Variants in CTNNA3 observed in about 807,000 individuals in gnomAD.
The protein encoded by CTNNA3 is catenin alpha-3.
In CTNNA3, 76 loss-of-function variants were observed where a neutral mutation model predicts 95.7. That is an observed-to-expected ratio of 0.79 (90% CI 0.66 to 0.96). The LOEUF is 0.96. Among genes scored for constraint, CTNNA3 ranks in the 40% least tolerant of loss-of-function variants. CTNNA3 has a pLI of 0.00. For synonymous variants in CTNNA3, 431 were observed against 374.4 expected (o/e 1.15, Z -1.74); for missense variants, 1,191 against 1,089.8 (o/e 1.09, Z -1.31).
chr10:67,433,207 T>C (rs1246454426), intron 5 of CTNNA3, among the ~76,000 whole-genome samples: 1 of 152,014 alleles, frequency 6.6e-6, no homozygotes, highest in Non-Finnish European at 1.5e-5. Context: ...TCAATGATTT[T>C]GTACTTCAGG....
At chr10:66,594,510 C>G (rs767606770) in intron 10 of CTNNA3, among the ~76,000 whole-genome samples, 2 of 152,114 alleles carry the variant, frequency 1.3e-5, no homozygotes, top group Non-Finnish European at 2.9e-5. Context: ...ATTCCCTACT[C>G]AAGTCTGCAT....
At chr10:66,992,078 G>A (rs1851071583) in intron 7 of CTNNA3, among the ~76,000 whole-genome samples, 1 of 152,082 alleles carries the variant, frequency 6.6e-6, no homozygotes, top group Admixed American at 6.5e-5. Flanking sequence ...GACTTCCTCA[G>A]CCTTATCAGA....
At chr10:66,725,899 T>C (rs1848767180) in intron 9 of CTNNA3, among the ~76,000 whole-genome samples, 1 of 152,150 alleles carries the variant, frequency 6.6e-6, no homozygotes, top group African/African-American at 2.4e-5. Flanking sequence ...GGCCTAATAC[T>C]AGAGATATCA....
intron 11 of CTNNA3, among the ~76,000 whole-genome samples, chr10:66,477,454 T>C (rs112418964): frequency 1.1e-4 from 17 of 152,218 alleles, no homozygotes; most frequent in African/African-American, 4.1e-4. Flanking sequence ...GTTTAGTGAG[T>C]TCTACTTATG....
chr10:65,973,458 T>G (rs1489672481), intron 16 of CTNNA3, among the ~76,000 whole-genome samples: 2 of 152,072 alleles, frequency 1.3e-5, no homozygotes, highest in African/African-American at 4.8e-5. Flanking sequence ...CTAACATAGT[T>G]TTACTATCCA....
chr10:66,449,708 T>G (rs1488321429), intron 11 of CTNNA3, among the ~76,000 whole-genome samples: 1 of 152,064 alleles, frequency 6.6e-6, no homozygotes, highest in Non-Finnish European at 1.5e-5. Context: ...GAGAACACCA[T>G]CATCTTAGAA....
intron 7 of CTNNA3, among the ~76,000 whole-genome samples, chr10:66,907,650 T>C (rs937346540): frequency 1.7e-4 from 26 of 152,156 alleles, no homozygotes; most frequent in Admixed American, 1.2e-3. Context: ...GTTTGCGCAA[T>C]GATTTAAGTT....
intron 7 of CTNNA3, among the ~76,000 whole-genome samples, chr10:67,085,711 A>G (rs1411648216): frequency 6.6e-6 from 1 of 152,000 alleles, no homozygotes; most frequent in East Asian, 1.9e-4. Flanking sequence ...ATGTAAATAC[A>G]TAGACTTGGT....
chr10:67,293,234 G>T (rs2132474388), intron 5 of CTNNA3, among the ~76,000 whole-genome samples: 2 of 152,122 alleles, frequency 1.3e-5, no homozygotes, highest in African/African-American at 4.8e-5. Context: ...ATCTCCAAAG[G>T]TCCTCTTAGA....
At chr10:66,444,009 A>C (rs1258231834) in intron 11 of CTNNA3, among the ~76,000 whole-genome samples, 1 of 152,128 alleles carries the variant, frequency 6.6e-6, no homozygotes, top group South Asian at 2.1e-4. Context: ...GCCAAGGCTC[A>C]AGAACTACGT....
intron 6 of CTNNA3, among the ~76,000 whole-genome samples, chr10:67,182,251 G>C (rs1288089417): frequency 1.3e-5 from 2 of 152,154 alleles, no homozygotes; most frequent in Non-Finnish European, 2.9e-5. Flanking sequence ...TAAGCCAAAA[G>C]AATAAAGCTG....
intron 13 of CTNNA3, among the ~76,000 whole-genome samples, chr10:66,211,692 G>C (rs1425294971): frequency 1.3e-5 from 2 of 152,128 alleles, no homozygotes; most frequent in African/African-American, 2.4e-5. Context: ...TTAAAAACAG[G>C]CTGGCCCAAG....
At chr10:66,282,342 C>A (rs1023806455) in intron 12 of CTNNA3, among the ~76,000 whole-genome samples, 6 of 151,792 alleles carry the variant, frequency 4.0e-5, no homozygotes, top group East Asian at 1.9e-4. Flanking sequence ...ATCCAACTGA[C>A]AATGGCAAAA....
At chr10:66,199,946 C>T (rs1015464839) in intron 13 of CTNNA3, among the ~76,000 whole-genome samples, 2 of 148,274 alleles carry the variant, frequency 1.3e-5, no homozygotes, top group Non-Finnish European at 3.0e-5. Flanking sequence ...GCCACCGCGC[C>T]CAGCCAATAG....
intron 10 of CTNNA3, among the ~76,000 whole-genome samples, chr10:66,601,639 C>T (rs1843926952): frequency 1.3e-5 from 2 of 151,868 alleles, no homozygotes; most frequent in African/African-American, 4.8e-5. Context: ...TTAAATTACC[C>T]TTGTCACATT....
chr10:66,301,510 CA>C (rs1192724216), intron 12 of CTNNA3, among the ~76,000 whole-genome samples: 1 of 151,646 alleles, frequency 6.6e-6, no homozygotes, highest in Non-Finnish European at 1.5e-5. Context: ...TATAAATAGT[CA>C]TAAATAAATC....
At chr10:66,146,609 T>C (rs528716999) in intron 13 of CTNNA3, among the ~76,000 whole-genome samples, 15 of 152,308 alleles carry the variant, frequency 9.8e-5, no homozygotes, top group Admixed American at 8.5e-4. Context: ...CAGGCTGCAA[T>C]GCAGTGGCAT....
At chr10:66,463,764 G>T (rs1352857215) in intron 11 of CTNNA3, among the ~76,000 whole-genome samples, 1 of 152,062 alleles carries the variant, frequency 6.6e-6, no homozygotes. Flanking sequence ...CTCCCTTGCT[G>T]CAGCCTCGTC....
intron 1 of CTNNA3, among the ~76,000 whole-genome samples, chr10:67,729,629 A>C (rs1841263583): frequency 6.6e-6 from 1 of 152,172 alleles, no homozygotes; most frequent in African/African-American, 2.4e-5. Flanking sequence ...TTGCATGGTC[A>C]GAATATAATA....
Sources: gnomAD v4.1 joint callset for allele counts (sites outside exome capture counted in the v4.1 genomes callset) on GRCh38, gnomAD v4.1.1 for gene constraint, MANE v1.5 for transcripts, NCBI Gene and HGNC (gene_info 2026-07-23, HGNC 2026-07-21) for gene names.